Variants in ZNF264 observed in about 807,000 individuals in gnomAD.
ZNF264 encodes zinc finger protein 264.
ZNF264 carries 11 observed loss-of-function variants against 11.2 expected under a neutral mutation model. That is an observed-to-expected ratio of 0.98 (90% CI 0.62 to 1.63). ZNF264 has a LOEUF of 1.63. Among genes scored for constraint, ZNF264 ranks in the 40% most tolerant of loss-of-function variants. The pLI, the probability that ZNF264 is intolerant of heterozygous loss-of-function variation, is 0.00. For synonymous variants in ZNF264, 309 were observed against 279.8 expected (o/e 1.10, Z -1.04); for missense variants, 752 against 768.1 (o/e 0.98, Z 0.25).
rs567474135 is a variant in ZNF264, at chr19:57,215,712, T to A, written c.*2731T>A. ...TGGTTTGATCCCACAAGTTTTAATG[T>A]TTTCATTACATTTTAATTCTAATAG... On this transcript the variant is annotated 3_prime_UTR_variant, in exon 4 of 4. Coordinates refer to ENST00000263095, the MANE Select transcript of ZNF264 (RefSeq NM_003417.5). 6.6e-6 allele frequency: 1 copy of A among 152,320 alleles called. No individual in the cohort carries two copies. The highest frequency in any genetic ancestry group is 1.9e-4 in the East Asian group (1 of 5,186). The allele number at this position is 152,320 out of a possible 1,614,324, so 9.4% of individuals were successfully genotyped here. A position where few individuals can be genotyped will look rare whatever the true frequency, so the allele number is the denominator to read the frequency against.
At chr19:57,194,485 A>G (rs1289816765) in intron 2 of ZNF264, among the ~76,000 whole-genome samples, 1 of 152,244 alleles carries the variant, frequency 6.6e-6, no homozygotes, top group African/African-American at 2.4e-5. Context: ...GTAATAACTC[A>G]TGATTACAAG....
At position 57,205,906 on chromosome 19, in the gene ZNF264, A is replaced by G. The variant is rs1446696210; in HGVS notation, c.256+414A>G. 2.0e-5 allele frequency among the ~76,000 whole-genome samples: 3 copies of G among 152,216 alleles called. No individual in the cohort carries two copies. In the South Asian group the frequency reaches 6.2e-4, roughly 32 times the overall value. On this transcript the variant is annotated intron_variant, in intron 3 of 3. Transcript: ENST00000263095. ...TAAAATCTCAGTGGTTCACATATGA[A>G]AACTCTTTCCCACTCATACCAGGGA...
chr19:57,200,561 TTGTC>T (rs1555764417), intron 2 of ZNF264, among the ~76,000 whole-genome samples: 1 of 122,838 alleles, frequency 8.1e-6, no homozygotes, highest in East Asian at 2.2e-4. Context: ...GTCTTGTGTC[TTGTC>T]TTGTCTTGTC....
At chr19:57,196,204 A>T (rs1181269117) in intron 2 of ZNF264, among the ~76,000 whole-genome samples, 1 of 151,920 alleles carries the variant, frequency 6.6e-6, no homozygotes, top group Non-Finnish European at 1.5e-5. Flanking sequence ...GCCCACTGCT[A>T]CACTTCTTTA....
chr19:57,207,153 G>A (rs1283904250), intron 3 of ZNF264, among the ~76,000 whole-genome samples: 1 of 151,436 alleles, frequency 6.6e-6, no homozygotes, highest in African/African-American at 2.4e-5. Flanking sequence ...CCAAGTTTCT[G>A]TGAATGGTTC....
rs191547548 is a variant in ZNF264, at chr19:57,213,960, T to C, written c.*979T>C. 1 of 152,152 alleles carries C rather than the reference T, an allele frequency of 6.6e-6. No homozygotes were observed. Among genetic ancestry groups the C allele is most frequent in the African/African-American group, 2.4e-5 (1 of 41,436 alleles). The allele number at this position is 152,152 out of a possible 1,614,324, so 9.4% of individuals were successfully genotyped here. A position where few individuals can be genotyped will look rare whatever the true frequency, so the allele number is the denominator to read the frequency against. ...TTAGAATTTGCATCCTAGGGTGCTT[T>C]TTTGTTTGTGTGTGTGTGTAATTTG... On this transcript the variant is annotated 3_prime_UTR_variant, in exon 4 of 4. Transcript: ENST00000263095.
chr19:57,210,820 C>T (rs1331368437), intron 3 of ZNF264, among the ~76,000 whole-genome samples: 2 of 152,260 alleles, frequency 1.3e-5, no homozygotes, highest in South Asian at 2.1e-4. Context: ...TAGTGAGTTC[C>T]CCGTTTGCAT....
chr19:57,215,314 A>T lies in ZNF264; in HGVS notation c.*2333A>T, dbSNP rs1281507522. On this transcript the variant is annotated 3_prime_UTR_variant, in exon 4 of 4. Transcript: ENST00000263095. ...GTCTGTCCTGTTGAAGGAATATTTC[A>T]TCTGTATTTGTAGCACTCCCTTATT... 1.3e-5 allele frequency: 2 copies of T among 152,134 alleles called. No homozygotes were observed. Among genetic ancestry groups the T allele is most frequent in the Non-Finnish European group, 2.9e-5 (2 of 68,014 alleles). 9.4% of individuals were successfully genotyped at this position (152,134 alleles called of 1,614,324 possible).
In ZNF264 at chr19:57,218,436, G is replaced by T. The variant is rs1459165541; in HGVS notation, c.*5455G>T. On this transcript the variant is annotated 3_prime_UTR_variant, in exon 4 of 4. Transcript: ENST00000263095. ...TCAGAAGTTTGGCTGTGATGTGCGT[G>T]GCATGGAAGTTTTTGGGTGTATTCT... The T allele has an allele frequency of 6.6e-6, 1 of 152,268 alleles. No individual in the cohort carries two copies. Among genetic ancestry groups the T allele is most frequent in the Non-Finnish European group, 1.5e-5 (1 of 68,044 alleles). 9.4% of individuals were successfully genotyped at this position (152,268 alleles called of 1,614,324 possible). A position where few individuals can be genotyped will look rare whatever the true frequency, so the allele number is the denominator to read the frequency against.
At chr19:57,193,502 A>T in intron 1 of ZNF264, 2 of 985,456 alleles carry the variant, frequency 2.0e-6, no homozygotes, top group Non-Finnish European at 2.4e-6. Context: ...TGAAGCCTTC[A>T]ACATGGGGCA....
In ZNF264 at chr19:57,211,587, G is replaced by GC; in HGVS notation, c.491dup (p.Asp165Ter). 1.9e-6 allele frequency: 3 copies of GC among 1,614,096 alleles called. No individual in the cohort carries two copies. The highest frequency in any genetic ancestry group is 2.5e-6 in the Non-Finnish European group (3 of 1,179,992). The stretch of plus-strand genomic sequence containing the variant: ...CCCTGAATGTGATGGTTTAGGGACA[G>GC]CTGATGGTGTGTGTTCAAGGATTGG... On this transcript the variant is annotated frameshift_variant, in exon 4 of 4. Transcript: ENST00000263095. LOFTEE classifies it low-confidence loss of function (END_TRUNC).
chr19:57,210,241 C>T lies in ZNF264; in HGVS notation c.257-1113C>T, dbSNP rs538124252. ...AGCATAGGACTCACTTCATTGAGCA[C>T]CTCTTACTGGAAAACTGATTTCTTC... On this transcript the variant is annotated intron_variant, in intron 3 of 3. Transcript: ENST00000263095. Among the ~76,000 whole-genome samples the T allele has an allele frequency of 2.6e-5, 4 of 152,206 alleles. No homozygotes were observed. The South Asian group carries it at 8.3e-4, about 32-fold the overall frequency.
At position 57,196,321 on chromosome 19, in the gene ZNF264, G is replaced by A. The variant is rs561495232; in HGVS notation, c.160+2320G>A. Among the ~76,000 whole-genome samples the A allele has an allele frequency of 8.5e-5, 13 of 152,074 alleles. No individual in the cohort carries two copies. The East Asian group carries it at 1.7e-3, about 20-fold the overall frequency. The stretch of plus-strand genomic sequence containing the variant: ...ATGGTAGTCTTGGCAGAAGCACTGC[G>A]TGCAGGATAAGCAAACCCATATCCA... On this transcript the variant is annotated intron_variant, in intron 2 of 3. Transcript: ENST00000263095.
chr19:57,212,893 C>T lies in ZNF264; in HGVS notation c.1796C>T (p.Thr599Ile). 1.2e-6 allele frequency: 2 copies of T among 1,614,210 alleles called. No individual in the cohort carries two copies. Among genetic ancestry groups the T allele is most frequent in the Non-Finnish European group, 1.7e-6 (2 of 1,180,040 alleles). Residue 599 changes from threonine (T) to isoleucine (I), a missense_variant, in exon 4 of 4, where the codon ACT becomes ATT. Transcript: ENST00000263095. ...GGGAAGGACTTTTTGAATGTAACCACTGAGGCAAATATTTTGCCAGAGGAA... is the reference window on the plus strand; with the variant it reads ...GGGAAGGACTTTTTGAATGTAACCATTGAGGCAAATATTTTGCCAGAGGAA... ...LLGKDFLNVT[T>I]EANILPEETS...
At chr19:57,211,036 T>G (rs2087330665) in intron 3 of ZNF264, among the ~76,000 whole-genome samples, 1 of 152,198 alleles carries the variant, frequency 6.6e-6, no homozygotes. Context: ...TGTCCTTGCT[T>G]AGTTGCTTAC....
At chr19:57,208,876 A>G (rs1390544968) in intron 3 of ZNF264, among the ~76,000 whole-genome samples, 6 of 152,236 alleles carry the variant, frequency 3.9e-5, no homozygotes, top group Non-Finnish European at 8.8e-5. Flanking sequence ...AAATGGACAC[A>G]GAATAGTCTC....
At chr19:57,202,191 C>G (rs766839201) in intron 2 of ZNF264, among the ~76,000 whole-genome samples, 6 of 151,754 alleles carry the variant, frequency 4.0e-5, no homozygotes, top group Admixed American at 3.9e-4. Flanking sequence ...GCCTGGGCGA[C>G]AGAGTGAGAC....
intron 2 of ZNF264, among the ~76,000 whole-genome samples, chr19:57,202,543 G>A (rs1258589353): frequency 6.6e-6 from 1 of 151,770 alleles, no homozygotes; most frequent in Non-Finnish European, 1.5e-5. Flanking sequence ...CCACCTTTCT[G>A]ACTGTGGGTC....
chr19:57,200,497 C>A (rs2087243470), intron 2 of ZNF264, among the ~76,000 whole-genome samples: 1 of 151,194 alleles, frequency 6.6e-6, no homozygotes, highest in African/African-American at 2.4e-5. Context: ...TCCCCCACCC[C>A]ACCCCGACCT....
Sources: allele counts gnomAD v4.1 joint callset (sites outside exome capture counted in the v4.1 genomes callset), GRCh38; gene constraint gnomAD v4.1.1; transcripts MANE v1.5; gene names NCBI Gene and HGNC (gene_info 2026-07-23, HGNC 2026-07-21).